Variants in EIF4G3 observed in about 807,000 individuals in gnomAD.
The protein encoded by EIF4G3 is eukaryotic translation initiation factor 4 gamma 3.
EIF4G3 carries 34 observed loss-of-function variants against 186.4 expected under a neutral mutation model. The observed-to-expected ratio is 0.18, with a 90% confidence interval of 0.14 to 0.24. The LOEUF (loss-of-function observed/expected upper bound fraction) is 0.24. Among genes scored for constraint, EIF4G3 ranks in the 10% least tolerant of loss-of-function variants. The pLI is 1.00. For synonymous variants in EIF4G3, 673 were observed against 679.5 expected (o/e 0.99, Z 0.15); for missense variants, 1,536 against 1,948.5 (o/e 0.79, Z 3.99).
intron 3 of EIF4G3, among the ~76,000 whole-genome samples, chr1:21,081,834 T>C (rs1400569967): frequency 2.0e-5 from 3 of 151,792 alleles, no homozygotes; most frequent in African/African-American, 7.3e-5. Flanking sequence ...GTAGAGGCGG[T>C]GTTTCGCCAT....
intron 2 of EIF4G3, among the ~76,000 whole-genome samples, chr1:21,093,812 G>A (rs1208775769): frequency 2.0e-5 from 3 of 152,120 alleles, no homozygotes; most frequent in Admixed American, 2.0e-4. Context: ...TAGGGACATG[G>A]ATGAAGCTGG....
At chr1:21,011,673 C>T (rs2087153697) in intron 4 of EIF4G3, among the ~76,000 whole-genome samples, 1 of 152,206 alleles carries the variant, frequency 6.6e-6, no homozygotes, top group Non-Finnish European at 1.5e-5. Flanking sequence ...CCACAAATAT[C>T]TTCCTTCTTG....
At chr1:21,057,707 T>G (rs1342765963) in intron 3 of EIF4G3, among the ~76,000 whole-genome samples, 5 of 152,032 alleles carry the variant, frequency 3.3e-5, no homozygotes, top group Non-Finnish European at 7.4e-5. Context: ...AAAAACAAGA[T>G]TAAAGACAAA....
intron 14 of EIF4G3, among the ~76,000 whole-genome samples, chr1:20,925,304 GT>G (rs2094809356): frequency 1.3e-5 from 2 of 152,018 alleles, no homozygotes; most frequent in Admixed American, 1.3e-4. Flanking sequence ...TCAAAGGGAG[GT>G]TTTCCCTACA....
rs1184918940 is a variant in EIF4G3, at chr1:21,016,358, G to A, written c.-66-13550C>T. Among the ~76,000 whole-genome samples the A allele has an allele frequency of 2.6e-5, 4 of 152,178 alleles. No individual in the cohort carries two copies. In the East Asian group the frequency reaches 7.7e-4, roughly 29 times the overall value. ...AAAAACTCAACTAAGCACAACAAAA[G>A]GCAGTAAGGGAGGAAATGAGGCAGA... On this transcript the variant is annotated intron_variant, in intron 4 of 36. Transcript: ENST00000602326.
At chr1:21,089,038 A>G (rs2096087906) in intron 3 of EIF4G3, 100 bp downstream of exon 3, 1 of 641,860 alleles carries the variant, frequency 1.6e-6, no homozygotes, top group African/African-American at 1.8e-5. Flanking sequence ...TTTTTGCCAA[A>G]AATTTGTCAT....
At chr1:20,983,083 T>A (rs2078656420) in intron 7 of EIF4G3, among the ~76,000 whole-genome samples, 1 of 152,306 alleles carries the variant, frequency 6.6e-6, no homozygotes, top group East Asian at 1.9e-4. Flanking sequence ...CTCTTAGGCA[T>A]CAAACCACCC....
intron 16 of EIF4G3, among the ~76,000 whole-genome samples, chr1:20,896,358 T>C (rs898575801): frequency 6.8e-6 from 1 of 147,780 alleles, no homozygotes; most frequent in Non-Finnish European, 1.5e-5. Context: ...ATCACTTGAG[T>C]CCAGGAGGCT....
chr1:21,001,806 G>GT (rs959578071), intron 5 of EIF4G3, among the ~76,000 whole-genome samples: 1 of 152,192 alleles, frequency 6.6e-6, no homozygotes, highest in Non-Finnish European at 1.5e-5. Flanking sequence ...AGTTCTTTAA[G>GT]TAAGTCTTTG....
At chr1:20,856,990 G>A (rs538903742) in intron 25 of EIF4G3, among the ~76,000 whole-genome samples, 7 of 151,670 alleles carry the variant, frequency 4.6e-5, no homozygotes, top group East Asian at 1.9e-4. Flanking sequence ...GTGAAACCCC[G>A]TCTCTACTAA....
intron 10 of EIF4G3, among the ~76,000 whole-genome samples, chr1:20,976,596 C>G (rs1041246091): frequency 1.3e-5 from 2 of 152,184 alleles, no homozygotes; most frequent in Non-Finnish European, 2.9e-5. Flanking sequence ...TTTCTTCTCA[C>G]TGTTTAAACC....
At chr1:20,816,829 A>T (rs201208981) in intron 34 of EIF4G3, among the ~76,000 whole-genome samples, 3,149 of 94,784 alleles carry the variant, frequency 0.033, 330 homozygotes, top group East Asian at 0.21. Context: ...AAAATTGAGA[A>T]ATCGGATGGT....
At chr1:20,934,449 C>T (rs1462792556) in intron 14 of EIF4G3, among the ~76,000 whole-genome samples, 1 of 151,780 alleles carries the variant, frequency 6.6e-6, no homozygotes, top group East Asian at 1.9e-4. Context: ...TAAGAGACAA[C>T]TAAGAGAGTC....
At chr1:20,879,797 G>A (rs1038583997) in intron 19 of EIF4G3, among the ~76,000 whole-genome samples, 4 of 152,096 alleles carry the variant, frequency 2.6e-5, no homozygotes, top group East Asian at 3.8e-4. Context: ...ATTTGACAAC[G>A]TGTATCAAAA....
chr1:21,067,640 C>G (rs115898504), intron 3 of EIF4G3, among the ~76,000 whole-genome samples: 3 of 152,010 alleles, frequency 2.0e-5, no homozygotes, highest in Non-Finnish European at 2.9e-5. Flanking sequence ...AAAAATACTT[C>G]AAAATAGAAG....
chr1:20,973,744 C>G lies in EIF4G3; in HGVS notation c.494-645G>C, dbSNP rs187281999. On this transcript the variant is annotated intron_variant, in intron 10 of 36. Coordinates refer to ENST00000602326, the MANE Select transcript of EIF4G3 (RefSeq NM_001391906.1). ...TCTAGCTATAACCTACTCCTAACTC[C>G]TATCCTTTGAGTACACCAATCTCTT... Among the ~76,000 whole-genome samples, 736 of 152,318 alleles carry G rather than the reference C, an allele frequency of 4.8e-3. 6 individuals carry two copies. The highest frequency in any genetic ancestry group is 0.017 in the African/African-American group (701 of 41,568).
chr1:21,156,395 A>G (rs1382430704), intron 2 of EIF4G3, among the ~76,000 whole-genome samples: 1 of 152,078 alleles, frequency 6.6e-6, no homozygotes, highest in Admixed American at 6.6e-5. Context: ...CATTATGCTT[A>G]TATTATCACA....
At chr1:20,959,809 T>C (rs961868708) in intron 12 of EIF4G3, among the ~76,000 whole-genome samples, 7 of 151,824 alleles carry the variant, frequency 4.6e-5, no homozygotes, top group Non-Finnish European at 4.4e-5. Context: ...ATCAAGGAAA[T>C]GCAAATTGAA....
At chr1:20,859,942 C>T (rs2075962248) in intron 24 of EIF4G3, among the ~76,000 whole-genome samples, 2 of 152,220 alleles carry the variant, frequency 1.3e-5, no homozygotes, top group African/African-American at 4.8e-5. Flanking sequence ...AGCTTTCTGT[C>T]TCTCTTCTTT....
Sources: gnomAD v4.1 joint callset for allele counts (sites outside exome capture counted in the v4.1 genomes callset) on GRCh38, gnomAD v4.1.1 for gene constraint, MANE v1.5 for transcripts, NCBI Gene and HGNC (gene_info 2026-07-23, HGNC 2026-07-21) for gene names.